The following PAXIP1 variants were observed in gnomAD, a reference collection of about 807,000 sequenced individuals.
PAXIP1 encodes the protein PAX-interacting protein 1.
PAXIP1 carries 19 observed loss-of-function variants against 140.6 expected under a neutral mutation model. The ratio of observed to expected loss-of-function variants is 0.14; its 90% CI spans 0.09 to 0.20. The LOEUF (loss-of-function observed/expected upper bound fraction) is 0.20. Ranked by LOEUF, PAXIP1 falls within the 10% of genes least tolerant of loss-of-function variation. PAXIP1 has a pLI of 1.00. For synonymous variants in PAXIP1, 442 were observed against 444.6 expected (o/e 0.99, Z 0.07); for missense variants, 920 against 1,208.6 (o/e 0.76, Z 3.54).
chr7:154,961,471 A>T, intron 11 of PAXIP1, 56 bp downstream of exon 11: 2 of 1,393,158 alleles, frequency 1.4e-6, no homozygotes, highest in Non-Finnish European at 9.7e-7. Context: ...TTATTGAAAT[A>T]GCCACTATAT....
intron 5 of PAXIP1, among the ~76,000 whole-genome samples, chr7:154,979,744 T>C (rs1046023308): frequency 1.3e-5 from 2 of 152,046 alleles, no homozygotes; most frequent in African/African-American, 4.8e-5. Context: ...CTTCAGTTCA[T>C]TTTATAGACT....
chr7:154,960,068 G>A (rs145152777), intron 12 of PAXIP1, 135 bp from the exon 13 acceptor site: 12 of 611,944 alleles, frequency 2.0e-5, no homozygotes, highest in Middle Eastern at 3.5e-4. Flanking sequence ...ATAAATGTAA[G>A]TACTATAATG....
chr7:154,998,552 T>A lies in PAXIP1; in HGVS notation c.216+98A>T, dbSNP rs116517372. 1.9e-3 allele frequency: 1,338 copies of A among 701,028 alleles called. 12 individuals carry two copies. The highest frequency in any genetic ancestry group is 0.016 in the South Asian group (424 of 26,156). The allele number at this position is 701,028 out of a possible 1,614,324, so 43.4% of individuals were successfully genotyped here. ...AAATAAAAATAAAATAAAACAGGACTTTAGCAAAAACCCTGAAAAGAGCTA... is the reference window on the plus strand; with the variant it reads ...AAATAAAAATAAAATAAAACAGGACATTAGCAAAAACCCTGAAAAGAGCTA... On this transcript the variant is annotated intron_variant, in intron 2 of 20. Transcript: ENST00000404141.
At chr7:154,957,084 T>A (rs189795762) in intron 14 of PAXIP1, 140 bp downstream of exon 14, 97 of 539,338 alleles carry the variant, frequency 1.8e-4, no homozygotes, top group African/African-American at 1.4e-3. Flanking sequence ...TATATCCCAA[T>A]AAAGTTGTAA....
intron 16 of PAXIP1, chr7:154,951,553 T>C (rs1808274634): frequency 6.6e-6 from 1 of 152,202 alleles, no homozygotes; most frequent in Non-Finnish European, 1.5e-5. Context: ...AGATAAAATA[T>C]GAAATGTTTT....
chr7:154,945,695 G>A (rs1807934396), intron 20 of PAXIP1: 2 of 985,426 alleles, frequency 2.0e-6, no homozygotes. Context: ...GCTCTGCAAT[G>A]GGAAACGGAA....
chr7:154,974,734 T>TGC, intron 6 of PAXIP1: 4 of 152,192 alleles, frequency 2.6e-5, no homozygotes, highest in Non-Finnish European at 5.9e-5. Context: ...GTATGTCTTC[T>TGC]CTACCTAAAT....
chr7:154,964,073 G>A (rs1808891418), intron 8 of PAXIP1: 2 of 348,854 alleles, frequency 5.7e-6, no homozygotes, highest in Non-Finnish European at 1.1e-5. Flanking sequence ...TCTGGGAAGT[G>A]GGGGCTGTCC....
At chr7:154,998,241 C>T (rs1036989546) in intron 2 of PAXIP1, among the ~76,000 whole-genome samples, 2 of 152,204 alleles carry the variant, frequency 1.3e-5, no homozygotes, top group Non-Finnish European at 2.9e-5. Flanking sequence ...AGCACGGTGG[C>T]TCATGCCTGT....
At chr7:154,961,714 C>A in intron 10 of PAXIP1, 66 bp from the exon 11 acceptor site, 1 of 1,311,254 alleles carries the variant, frequency 7.6e-7, no homozygotes, top group South Asian at 1.4e-5. Flanking sequence ...AGTACTATTT[C>A]TTCTACTTCT....
intron 16 of PAXIP1, among the ~76,000 whole-genome samples, chr7:154,953,152 A>G (rs949939155): frequency 7.1e-6 from 1 of 141,188 alleles, no homozygotes; most frequent in African/African-American, 2.9e-5. Context: ...TTTAGCCACA[A>G]GAGTGTAACG....
At chr7:155,002,404 G>T (rs1456208390) in intron 1 of PAXIP1, among the ~76,000 whole-genome samples, 1 of 152,106 alleles carries the variant, frequency 6.6e-6, no homozygotes, top group African/African-American at 2.4e-5. Context: ...CGAGGCTGGG[G>T]TCCCCGCGCG....
rs1310679770 is a variant in PAXIP1, at chr7:154,986,920, C to A, written c.325-3588G>T. Among the ~76,000 whole-genome samples, 1 of 152,124 alleles carries A rather than the reference C, an allele frequency of 6.6e-6. No individual in the cohort carries two copies. The highest frequency in any genetic ancestry group is 2.4e-5 in the African/African-American group (1 of 41,430). Reference sequence around the variant, plus strand: ...ATCAAAGAGCTTGCTAAGAAATTAACCTTTTGGCCATCATTGACCCAGCCA... The same window carrying A: ...ATCAAAGAGCTTGCTAAGAAATTAAACTTTTGGCCATCATTGACCCAGCCA... On this transcript the variant is annotated intron_variant, in intron 4 of 20. Coordinates refer to ENST00000404141, the MANE Select transcript of PAXIP1 (RefSeq NM_007349.4). The surrounding 1 kb of genome is among the most constrained non-coding windows in gnomAD (Gnocchi z 4.8).
rs896762047 is a variant in PAXIP1, at chr7:154,995,615, C to T, written c.217-1846G>A. Reference sequence around the variant, plus strand: ...CTGTAATCTCAGCACTTTGGGAGGCCAAGGCGGGCGGATCACTTGAGGTGA... The same window carrying T: ...CTGTAATCTCAGCACTTTGGGAGGCTAAGGCGGGCGGATCACTTGAGGTGA... On this transcript the variant is annotated intron_variant, in intron 2 of 20. Coordinates refer to ENST00000404141, the MANE Select transcript of PAXIP1 (RefSeq NM_007349.4). 3.9e-5 allele frequency among the ~76,000 whole-genome samples: 6 copies of T among 152,178 alleles called. No individual in the cohort carries two copies. The South Asian group carries it at 6.2e-4, about 16-fold the overall frequency.
chr7:155,001,044 C>T (rs1323468528), intron 1 of PAXIP1: 1 of 152,218 alleles, frequency 6.6e-6, no homozygotes, highest in Non-Finnish European at 1.5e-5. Flanking sequence ...CTGTATTATA[C>T]CTGGCACCTA....
At chr7:154,978,924 T>G (rs1024831090) in intron 5 of PAXIP1, among the ~76,000 whole-genome samples, 1 of 152,208 alleles carries the variant, frequency 6.6e-6, no homozygotes, top group Non-Finnish European at 1.5e-5. Flanking sequence ...TTGTATAGAA[T>G]GCTGGCATTT....
In PAXIP1 at chr7:155,003,035, G is replaced by T; in HGVS notation, c.-106C>A. On this transcript the variant is annotated 5_prime_UTR_variant, in exon 1 of 21. Coordinates refer to ENST00000404141, the MANE Select transcript of PAXIP1 (RefSeq NM_007349.4). ...CCCCACTCGCCCCGCCAACGGCCCT[G>T]CCCGCGCAGCCCGGGCCCGGTCCTG... 3.7e-6 allele frequency: 1 copy of T among 273,504 alleles called. No individual in the cohort carries two copies. The highest frequency in any genetic ancestry group is 5.1e-6 in the Non-Finnish European group (1 of 197,552). The allele number at this position is 273,504 out of a possible 1,614,324, so 16.9% of individuals were successfully genotyped here.
At chr7:154,966,828 A>G (rs1809046538) in intron 8 of PAXIP1, among the ~76,000 whole-genome samples, 1 of 152,176 alleles carries the variant, frequency 6.6e-6, no homozygotes, top group Admixed American at 6.5e-5. Context: ...CACACCAACA[A>G]GGTCTTGGAA....
In PAXIP1 at chr7:154,986,391, A is replaced by G. The variant is rs1465129467; in HGVS notation, c.325-3059T>C. On this transcript the variant is annotated intron_variant, in intron 4 of 20. Transcript: ENST00000404141. The surrounding 1 kb of genome is among the most constrained non-coding windows in gnomAD (Gnocchi z 4.8). ...GCTTCTGTACCTGGTGCCCACTTTC[A>G]TTTTTGCATATGTTGCAACATACCG... Among the ~76,000 whole-genome samples the G allele has an allele frequency of 6.6e-6, 1 of 151,998 alleles. No homozygotes were observed. Among genetic ancestry groups the G allele is most frequent in the Non-Finnish European group, 1.5e-5 (1 of 68,002 alleles).
Sources: allele counts gnomAD v4.1 joint callset (sites outside exome capture counted in the v4.1 genomes callset), GRCh38; gene constraint gnomAD v4.1.1; non-coding constraint Gnocchi (gnomAD v3.1); transcripts MANE v1.5; gene names NCBI Gene and HGNC (gene_info 2026-07-23, HGNC 2026-07-21).